Variants in CBLB observed in about 807,000 individuals in gnomAD.
The protein encoded by CBLB is Cbl proto-oncogene B, also known as E3 ubiquitin-protein ligase CBL-B.
In CBLB, 31 loss-of-function variants were observed where a neutral mutation model predicts 104.9. The observed-to-expected ratio is 0.30, with a 90% CI of 0.22 to 0.40. The LOEUF is 0.40. Among genes scored for constraint, CBLB ranks in the 10% least tolerant of loss-of-function variants. The probability of loss-of-function intolerance (pLI) is 1.00; values close to 1 mark genes in which losing one functional copy is unlikely to be tolerated. For synonymous variants in CBLB, 440 were observed against 422.6 expected (o/e 1.04, Z -0.51); for missense variants, 1,062 against 1,214.6 (o/e 0.87, Z 1.87).
At chr3:105,792,651 G>A (rs1165583337) in intron 3 of CBLB, among the ~76,000 whole-genome samples, 1 of 152,152 alleles carries the variant, frequency 6.6e-6, no homozygotes, top group East Asian at 1.9e-4. Context: ...TGGGTCAACA[G>A]ACTGCCAAAG....
intron 3 of CBLB, among the ~76,000 whole-genome samples, chr3:105,821,114 A>T (rs2085780681): frequency 6.6e-6 from 1 of 152,140 alleles, no homozygotes; most frequent in South Asian, 2.1e-4. Context: ...TGTTTTACCA[A>T]ATTTATAGGA....
In CBLB at chr3:105,656,638, G is replaced by A. The variant is rs1238885966; in HGVS notation, c.*2332C>T. 2.7e-5 allele frequency: 4 copies of A among 145,982 alleles called. No individual in the cohort carries two copies. Among genetic ancestry groups the A allele is most frequent in the Admixed American group, 1.2e-4 (1 of 8,648 alleles). 9.0% of individuals were successfully genotyped at this position (145,982 alleles called of 1,614,324 possible). A position where few individuals can be genotyped will look rare whatever the true frequency, so the allele number is the denominator to read the frequency against. On this transcript the variant is annotated 3_prime_UTR_variant, in exon 19 of 19. Coordinates refer to ENST00000394030, the MANE Select transcript of CBLB (RefSeq NM_170662.5). ...CCCCACCCCCCACCCCCAAATTTCA[G>A]GTCCAGGTTTGCTATATCATCACTA...
At chr3:105,744,087 T>C (rs1421890981) in intron 6 of CBLB, among the ~76,000 whole-genome samples, 1 of 152,138 alleles carries the variant, frequency 6.6e-6, no homozygotes, top group Admixed American at 6.5e-5. Flanking sequence ...AGGGCAGTAG[T>C]TTTTTACTAA....
intron 2 of CBLB, among the ~76,000 whole-genome samples, chr3:105,862,579 G>A (rs1392295906): frequency 6.6e-6 from 1 of 152,066 alleles, no homozygotes; most frequent in Non-Finnish European, 1.5e-5. Flanking sequence ...AATTCCTCTT[G>A]ATCATTACTC....
chr3:105,816,466 G>C (rs896137710), intron 3 of CBLB, among the ~76,000 whole-genome samples: 1 of 152,016 alleles, frequency 6.6e-6, no homozygotes, highest in Admixed American at 6.6e-5. Context: ...TTAAGCTCCT[G>C]GGTATACCTA....
At chr3:105,819,559 C>A (rs957473394) in intron 3 of CBLB, among the ~76,000 whole-genome samples, 27 of 151,116 alleles carry the variant, frequency 1.8e-4, no homozygotes, top group African/African-American at 2.9e-4. Context: ...AATTCAATTT[C>A]TCCTCAAAAG....
At chr3:105,773,422 C>T (rs1262010226) in intron 4 of CBLB, among the ~76,000 whole-genome samples, 2 of 152,084 alleles carry the variant, frequency 1.3e-5, no homozygotes, top group Admixed American at 6.6e-5. Context: ...TAAAAGACTA[C>T]ACTACATATT....
intron 4 of CBLB, among the ~76,000 whole-genome samples, chr3:105,766,820 A>C (rs1428624743): frequency 6.6e-6 from 1 of 152,186 alleles, no homozygotes. Flanking sequence ...AACTAAACCC[A>C]CAATATCTCT....
At chr3:105,671,659 A>G (rs973266294) in intron 17 of CBLB, 4 of 205,096 alleles carry the variant, frequency 2.0e-5, no homozygotes, top group Non-Finnish European at 4.0e-5. Context: ...AGGCTTAAAT[A>G]TTGACTATTT....
At chr3:105,842,245 G>A (rs1179107506) in intron 3 of CBLB, among the ~76,000 whole-genome samples, 1 of 152,156 alleles carries the variant, frequency 6.6e-6, no homozygotes, top group Admixed American at 6.5e-5. Context: ...GCCTAATGCT[G>A]TCCCTCTGTG....
chr3:105,785,638 T>C (rs2080893312), intron 3 of CBLB, among the ~76,000 whole-genome samples: 1 of 152,176 alleles, frequency 6.6e-6, no homozygotes, highest in African/African-American at 2.4e-5. Context: ...GATACCTGTG[T>C]CTCATTTCAA....
chr3:105,827,213 A>G (rs546013618), intron 3 of CBLB, among the ~76,000 whole-genome samples: 12 of 109,894 alleles, frequency 1.1e-4, no homozygotes, highest in Non-Finnish European at 2.0e-4. Flanking sequence ...CATTCAGTGA[A>G]GCTATATTCC....
In CBLB at chr3:105,853,551, GTCA is replaced by G. The variant is rs1447614090; in HGVS notation, c.279_281del (p.Asp94del). The G allele has an allele frequency of 6.2e-7, 1 of 1,613,272 alleles. No individual in the cohort carries two copies. Among genetic ancestry groups the G allele is most frequent in the African/African-American group, 1.3e-5 (1 of 74,854 alleles). ...CACTGAGTTGGGCAAGTTTCTGGTT[GTCA>G]TCATATTTACTCAATATAAGTCGTA... On this transcript the variant is annotated inframe_deletion, in exon 3 of 19. Coordinates refer to ENST00000394030, the MANE Select transcript of CBLB (RefSeq NM_170662.5).
intron 3 of CBLB, among the ~76,000 whole-genome samples, chr3:105,790,603 A>G (rs1441967673): frequency 6.6e-6 from 1 of 152,214 alleles, no homozygotes; most frequent in Non-Finnish European, 1.5e-5. Flanking sequence ...TCGACAGTCT[A>G]GTGGTTACTT....
At chr3:105,660,685 G>T (rs2063704688) in intron 18 of CBLB, among the ~76,000 whole-genome samples, 1 of 152,094 alleles carries the variant, frequency 6.6e-6, no homozygotes. Context: ...TTCCCATCTT[G>T]TCTCCCCACT....
At chr3:105,757,169 TTC>T (rs2077159515) in intron 4 of CBLB, among the ~76,000 whole-genome samples, 1 of 152,146 alleles carries the variant, frequency 6.6e-6, no homozygotes, top group Non-Finnish European at 1.5e-5. Flanking sequence ...TATATCCAGT[TTC>T]TGTGTTAGGT....
Position 105,705,178 on chromosome 3 carries a change from T to C in CBLB, c.1408-1005A>G, listed in dbSNP as rs563693372. On this transcript the variant is annotated intron_variant, in intron 10 of 18. Transcript: ENST00000394030. Reference sequence around the variant, plus strand: ...ACTTATTTGTAAGCCATTTTCCTCCTAACATTACTTACCTTTGTACGAATT... The same window carrying C: ...ACTTATTTGTAAGCCATTTTCCTCCCAACATTACTTACCTTTGTACGAATT... Among the ~76,000 whole-genome samples the C allele has an allele frequency of 2.0e-5, 3 of 152,348 alleles. No homozygotes were observed. In the South Asian group the frequency reaches 6.2e-4, roughly 32 times the overall value.
At chr3:105,768,036 T>C (rs910348202) in intron 4 of CBLB, among the ~76,000 whole-genome samples, 1 of 152,216 alleles carries the variant, frequency 6.6e-6, no homozygotes, top group South Asian at 2.1e-4. Context: ...GAATTAAATG[T>C]ACAATGGTTC....
intron 3 of CBLB, among the ~76,000 whole-genome samples, chr3:105,793,653 T>C (rs1273601426): frequency 6.6e-6 from 1 of 152,012 alleles, no homozygotes; most frequent in Admixed American, 6.6e-5. Flanking sequence ...TTAAATGAAA[T>C]AAACTGAATT....
Sources: allele counts gnomAD v4.1 joint callset (sites outside exome capture counted in the v4.1 genomes callset), GRCh38; gene constraint gnomAD v4.1.1; transcripts MANE v1.5; gene names NCBI Gene and HGNC (gene_info 2026-07-23, HGNC 2026-07-21).